The following SAMD5 variants were observed in gnomAD, a reference collection of about 807,000 sequenced individuals.
The protein encoded by SAMD5 is sterile alpha motif domain-containing protein 5.
In SAMD5, 13 loss-of-function variants were observed where a neutral mutation model predicts 11.3. The ratio of observed to expected loss-of-function variants is 1.15; its 90% confidence interval spans 0.75 to 1.83. The LOEUF (loss-of-function observed/expected upper bound fraction) is 1.83. Ranked by LOEUF, SAMD5 falls within the 40% of genes most tolerant of loss-of-function variation. The pLI is 0.00. For synonymous variants in SAMD5, 129 were observed against 111.3 expected, an observed-to-expected ratio of 1.16 and a Z score of -1.00; for missense variants, 255 against 239.1, an observed-to-expected ratio of 1.07 and a Z score of -0.44.
intron 1 of SAMD5, among the ~76,000 whole-genome samples, chr6:147,509,895 C>T (rs1272787635): frequency 6.6e-6 from 1 of 152,132 alleles, no homozygotes; most frequent in African/African-American, 2.4e-5. Context: ...TAAAAAATCC[C>T]AGCGCTGCTG....
chr6:147,687,746 T>G (rs1259362685), intron 1 of SAMD5, among the ~76,000 whole-genome samples: 2 of 152,234 alleles, frequency 1.3e-5, no homozygotes, highest in East Asian at 3.8e-4. Flanking sequence ...TCACTCACTT[T>G]TAGCAGTTTG....
chr6:147,628,936 C>T (rs1459103221), intron 1 of SAMD5, among the ~76,000 whole-genome samples: 1 of 152,072 alleles, frequency 6.6e-6, no homozygotes, highest in Non-Finnish European at 1.5e-5. Flanking sequence ...AGATCTTTAT[C>T]TCTATTTCTC....
chr6:147,859,783 T>C, the SAMD5 span, among the ~76,000 whole-genome samples: 2 of 152,272 alleles, frequency 1.3e-5, no homozygotes, highest in East Asian at 3.9e-4. Flanking sequence ...TTCTTGTTTT[T>C]AGTTTCCTCA....
At chr6:147,840,695 A>T in the SAMD5 span, among the ~76,000 whole-genome samples, 4 of 152,244 alleles carry the variant, frequency 2.6e-5, no homozygotes, top group Non-Finnish European at 5.9e-5. Context: ...CATATAACTT[A>T]ATTCTTTGTA....
the SAMD5 span, among the ~76,000 whole-genome samples, chr6:147,753,850 C>T: frequency 6.6e-6 from 1 of 152,232 alleles, no homozygotes; most frequent in African/African-American, 2.4e-5. Flanking sequence ...ATTGTGATCT[C>T]CAGTTCCATC....
intron 1 of SAMD5, among the ~76,000 whole-genome samples, chr6:147,561,614 AAG>A (rs1224152644): frequency 3.3e-5 from 5 of 152,142 alleles, no homozygotes; most frequent in African/African-American, 1.2e-4. Context: ...GGAGTGAAGA[AAG>A]AGCTTTTATT....
At chr6:147,582,122 G>C (rs1789307126) in intron 1 of SAMD5, among the ~76,000 whole-genome samples, 1 of 93,304 alleles carries the variant, frequency 1.1e-5, no homozygotes, top group African/African-American at 3.7e-5. Flanking sequence ...ACTTTGGGAG[G>C]CCAAGGTGGG....
At chr6:147,555,617 T>C (rs1373848671) in intron 1 of SAMD5, among the ~76,000 whole-genome samples, 1 of 152,194 alleles carries the variant, frequency 6.6e-6, no homozygotes, top group African/African-American at 2.4e-5. Context: ...ATTTGGAAGA[T>C]CTGCGTAATT....
At chr6:147,763,757 T>C in the SAMD5 span, among the ~76,000 whole-genome samples, 3 of 151,930 alleles carry the variant, frequency 2.0e-5, no homozygotes, top group African/African-American at 7.3e-5. Flanking sequence ...TAATTTTTTG[T>C]ATTTTTAGTA....
chr6:147,830,021 G>A, the SAMD5 span, among the ~76,000 whole-genome samples: 1 of 152,086 alleles, frequency 6.6e-6, no homozygotes, highest in African/African-American at 2.4e-5. Context: ...ATCTGTGTGT[G>A]AGAATGCTCA....
At chr6:147,848,074 T>C in the SAMD5 span, among the ~76,000 whole-genome samples, 1 of 152,180 alleles carries the variant, frequency 6.6e-6, no homozygotes, top group African/African-American at 2.4e-5. Context: ...GTCCAAAATA[T>C]TGTTTCCAGA....
chr6:147,534,525 T>C (rs1308455803), intron 1 of SAMD5, among the ~76,000 whole-genome samples: 1 of 152,174 alleles, frequency 6.6e-6, no homozygotes, highest in Non-Finnish European at 1.5e-5. Context: ...GTTTTATTAT[T>C]ACTCAAGTCA....
At chr6:147,640,452 A>T (rs1166326889) in intron 1 of SAMD5, among the ~76,000 whole-genome samples, 1 of 140,462 alleles carries the variant, frequency 7.1e-6, no homozygotes, top group Non-Finnish European at 1.5e-5. Flanking sequence ...AGCTGAGATC[A>T]CGCCACTGTC....
chr6:147,863,216 C>T, the SAMD5 span, among the ~76,000 whole-genome samples: 1 of 152,160 alleles, frequency 6.6e-6, no homozygotes, highest in South Asian at 2.1e-4. Flanking sequence ...GGCATCTTTA[C>T]AGTTTTGCTG....
chr6:147,717,459 C>T (rs1791484434), intron 1 of SAMD5, among the ~76,000 whole-genome samples: 1 of 152,174 alleles, frequency 6.6e-6, no homozygotes, highest in African/African-American at 2.4e-5. Context: ...TGGACGGACT[C>T]TGCCCAAGTC....
intron 1 of SAMD5, among the ~76,000 whole-genome samples, chr6:147,667,574 CCAACTTAAATTCCTGTAA>C (rs1408793416): frequency 3.9e-5 from 6 of 152,154 alleles, no homozygotes; most frequent in South Asian, 2.1e-4. Flanking sequence ...TCTCCATTCA[CCAACTTAAATTCCTGTAA>C]CAACTTAAAT....
the SAMD5 span, among the ~76,000 whole-genome samples, chr6:147,820,311 T>C: frequency 6.6e-6 from 1 of 152,194 alleles, no homozygotes; most frequent in African/African-American, 2.4e-5. Context: ...TTAAAAAGAA[T>C]TTAAAAATTA....
intron 1 of SAMD5, among the ~76,000 whole-genome samples, chr6:147,696,376 T>C (rs576591099): frequency 4.0e-4 from 61 of 152,336 alleles, no homozygotes; most frequent in African/African-American, 1.4e-3. Flanking sequence ...AGATAGCAGA[T>C]GTAGAGAATG....
the SAMD5 span, among the ~76,000 whole-genome samples, chr6:147,781,703 A>G: frequency 3.2e-4 from 48 of 151,908 alleles, no homozygotes; most frequent in Admixed American, 5.2e-4. Flanking sequence ...ATGGATGTAT[A>G]TATTTAAAAT....
Sources: allele counts gnomAD v4.1 joint callset (sites outside exome capture counted in the v4.1 genomes callset), GRCh38; gene constraint gnomAD v4.1.1; transcripts MANE v1.5; gene names NCBI Gene and HGNC (gene_info 2026-07-23, HGNC 2026-07-21).